Variants in FAM186A observed in about 807,000 individuals in gnomAD.
FAM186A encodes the protein family with sequence similarity 186 member A, also known as protein FAM186A.
FAM186A carries 163 observed loss-of-function variants against 216.8 expected under a neutral mutation model. The ratio of observed to expected loss-of-function variants is 0.75; its 90% CI spans 0.66 to 0.86. FAM186A has a LOEUF of 0.86. Among genes scored for constraint, FAM186A ranks in the 40% least tolerant of loss-of-function variants. FAM186A has a pLI of 0.00. For missense variants in FAM186A, 2,184 were observed against 2,746.2 expected, an observed-to-expected ratio of 0.80 and a Z score of 4.58; for synonymous variants, 805 against 1,025.3, an observed-to-expected ratio of 0.79 and a Z score of 4.10.
chr12:50,362,173 G>C (rs189769898), intron 2 of FAM186A, among the ~76,000 whole-genome samples: 1 of 150,446 alleles, frequency 6.6e-6, no homozygotes, highest in African/African-American at 2.4e-5. Context: ...AGGTTTCACC[G>C]TGTTGCCCAG....
rs1009513387 is a variant in FAM186A, at chr12:50,365,901, C to T, written c.193-2537G>A. On this transcript the variant is annotated intron_variant, in intron 1 of 7. Coordinates refer to ENST00000327337, the MANE Select transcript of FAM186A (RefSeq NM_001145475.3). ...GAAGAAATATATTATCTACATTGAA[C>T]GGGTGCAGTGGAAAAAGGCTAATGG... is the stretch of plus-strand genomic sequence containing the variant. The T allele has an allele frequency of 4.7e-5, 36 of 762,708 alleles. 1 individual carries two copies. Among genetic ancestry groups the T allele is most frequent in the Admixed American group, 1.2e-4 (7 of 58,718 alleles). The allele number at this position is 762,708 out of a possible 1,614,324, so 47.2% of individuals were successfully genotyped here. A position where few individuals can be genotyped will look rare whatever the true frequency, so the allele number is the denominator to read the frequency against.
intron 7 of FAM186A, 133 bp from the exon 8 acceptor site, chr12:50,327,537 A>C: frequency 1.6e-6 from 1 of 622,108 alleles, no homozygotes. Context: ...TCTGTATGTA[A>C]TCCTTTTTTT....
At position 50,346,029 on chromosome 12, in the gene FAM186A, G is replaced by A. The variant is rs370743874; in HGVS notation, c.6503+4300C>T. On this transcript the variant is annotated intron_variant, in intron 4 of 7. Transcript: ENST00000327337. Reference sequence around the variant, plus strand: ...AAAAAAAAAAATACAAAAGTTAGCCGGGCGTGGTGGCGTGTGCCTATAGTC... The same window carrying A: ...AAAAAAAAAAATACAAAAGTTAGCCAGGCGTGGTGGCGTGTGCCTATAGTC... 1.8e-4 allele frequency among the ~76,000 whole-genome samples: 26 copies of A among 147,844 alleles called. No individual in the cohort carries two copies. In the South Asian group the frequency reaches 4.9e-3, roughly 28 times the overall value.
chr12:50,395,562 A>G (rs1407705075), intron 1 of FAM186A, among the ~76,000 whole-genome samples: 1 of 152,108 alleles, frequency 6.6e-6, no homozygotes, highest in Non-Finnish European at 1.5e-5. Context: ...CTCCCATCTC[A>G]GCTTCCCAAA....
At position 50,351,910 on chromosome 12, in the gene FAM186A, G is replaced by T; in HGVS notation, c.4922C>A (p.Pro1641His). ...GACTCCCAGTGCCTGGGCCTGCTGA[G>T]GGGTGAGAGTGATCCCCTGAGCCTG... is the stretch of plus-strand genomic sequence containing the variant. ...QAQAQGITLT[P>H]QQAQALGVPI... The change falls in exon 4 of 8, where the codon CCT becomes CAT. Residue 1641 changes from proline (P) to histidine (H), a missense_variant. Pro to His is a moderately conservative substitution (Grantham distance 77). This residue lies in a region of FAM186A where 26 missense variants were observed against 44.5 expected (regional missense o/e 0.58). Coordinates refer to ENST00000327337, the MANE Select transcript of FAM186A (RefSeq NM_001145475.3). The T allele has an allele frequency of 1.3e-6, 2 of 1,537,068 alleles. No individual in the cohort carries two copies. Among genetic ancestry groups the T allele is most frequent in the Non-Finnish European group, 1.8e-6 (2 of 1,138,520 alleles).
intron 1 of FAM186A, among the ~76,000 whole-genome samples, chr12:50,374,355 A>G (rs1002761505): frequency 6.7e-6 from 1 of 149,770 alleles, no homozygotes; most frequent in African/African-American, 2.5e-5. Flanking sequence ...TATAGAAATT[A>G]AAAAAAAAAG....
At position 50,343,797 on chromosome 12, in the gene FAM186A, T is replaced by C. The variant is rs564635473; in HGVS notation, c.6503+6532A>G. Among the ~76,000 whole-genome samples, 5 of 152,254 alleles carry C rather than the reference T, an allele frequency of 3.3e-5. No homozygotes were observed. The South Asian group carries it at 1.0e-3, about 32-fold the overall frequency. On this transcript the variant is annotated intron_variant, in intron 4 of 7. Transcript: ENST00000327337. ...CCATGCCCAGCTAATTTTTTGTATTTTTAGTAGAGACGGGGTTTCACTGTG... is the reference window on the plus strand; with the variant it reads ...CCATGCCCAGCTAATTTTTTGTATTCTTAGTAGAGACGGGGTTTCACTGTG...
chr12:50,358,417 CAA>C (rs1216534781), intron 3 of FAM186A, among the ~76,000 whole-genome samples: 1 of 151,212 alleles, frequency 6.6e-6, no homozygotes, highest in Non-Finnish European at 1.5e-5. Flanking sequence ...TCTGTCTCTA[CAA>C]AAAGTTTTTA....
intron 1 of FAM186A, among the ~76,000 whole-genome samples, chr12:50,380,702 A>T (rs970934115): frequency 3.3e-5 from 5 of 151,762 alleles, no homozygotes; most frequent in African/African-American, 1.2e-4. Flanking sequence ...TAAAAAAAAA[A>T]AAAAGAACTG....
chr12:50,364,869 C>T (rs1943072610), intron 1 of FAM186A, among the ~76,000 whole-genome samples: 1 of 151,724 alleles, frequency 6.6e-6, no homozygotes, highest in Non-Finnish European at 1.5e-5. Flanking sequence ...GAAACCCCGT[C>T]TTTACTAAAA....
intron 4 of FAM186A, among the ~76,000 whole-genome samples, chr12:50,348,334 C>G (rs1386488277): frequency 6.6e-6 from 1 of 151,696 alleles, no homozygotes; most frequent in Non-Finnish European, 1.5e-5. Context: ...CCACACCCAG[C>G]TAATTTTTGT....
At chr12:50,386,804 T>C (rs886545709) in intron 1 of FAM186A, among the ~76,000 whole-genome samples, 1 of 141,550 alleles carries the variant, frequency 7.1e-6, no homozygotes, top group African/African-American at 2.7e-5. Flanking sequence ...GTGGGGGGGT[T>C]AGGGAGAGGT....
intron 1 of FAM186A, among the ~76,000 whole-genome samples, chr12:50,384,180 G>A (rs937431214): frequency 1.1e-4 from 17 of 151,802 alleles, no homozygotes; most frequent in Admixed American, 1.1e-3. Context: ...CTCACACCTG[G>A]AATCCCAGCA....
chr12:50,341,942 A>G (rs1481716847), intron 4 of FAM186A, among the ~76,000 whole-genome samples: 1 of 152,206 alleles, frequency 6.6e-6, no homozygotes, highest in Non-Finnish European at 1.5e-5. Context: ...AAGAACAGCT[A>G]ATTTTACTAT....
At chr12:50,332,183 G>A (rs971336615) in intron 5 of FAM186A, among the ~76,000 whole-genome samples, 1 of 152,210 alleles carries the variant, frequency 6.6e-6, no homozygotes, top group Non-Finnish European at 1.5e-5. Flanking sequence ...AAATTGTGAT[G>A]CAGTATGCAA....
intron 1 of FAM186A, among the ~76,000 whole-genome samples, chr12:50,384,822 T>C (rs1943287025): frequency 6.6e-6 from 1 of 152,152 alleles, no homozygotes; most frequent in Admixed American, 6.5e-5. Flanking sequence ...TTGTTTTTTT[T>C]TGAGACTGAG....
intron 1 of FAM186A, among the ~76,000 whole-genome samples, chr12:50,372,994 GGAATGAAA>G (rs1477772536): frequency 0.11 from 6,697 of 58,596 alleles, 856 homozygotes; most frequent in East Asian, 0.16. Context: ...AAGGAAGGAA[GGAATGAAA>G]GAAAGAAAGA....
chr12:50,394,287 A>G (rs1023647413), intron 1 of FAM186A, among the ~76,000 whole-genome samples: 1 of 152,050 alleles, frequency 6.6e-6, no homozygotes, highest in Non-Finnish European at 1.5e-5. Flanking sequence ...GGCTGGACGC[A>G]GTGGCTCACG....
intron 7 of FAM186A, among the ~76,000 whole-genome samples, 161 bp downstream of exon 7, chr12:50,330,412 G>A (rs1942644832): frequency 6.6e-6 from 1 of 152,146 alleles, no homozygotes; most frequent in African/African-American, 2.4e-5. Flanking sequence ...GACTAATGCT[G>A]AATTTACCTG....
Sources: allele counts gnomAD v4.1 joint callset (sites outside exome capture counted in the v4.1 genomes callset), GRCh38; gene constraint gnomAD v4.1.1; regional missense constraint gnomAD v4.1.1; transcripts MANE v1.5; gene names NCBI Gene and HGNC (gene_info 2026-07-23, HGNC 2026-07-21).